The following ZSWIM2 variants were observed in gnomAD, a reference collection of about 807,000 sequenced individuals.
The protein encoded by ZSWIM2 is E3 ubiquitin-protein ligase ZSWIM2.
ZSWIM2 carries 38 observed loss-of-function variants against 48.4 expected under a neutral mutation model. The ratio of observed to expected loss-of-function variants is 0.79; its 90% CI spans 0.61 to 1.03. The LOEUF (loss-of-function observed/expected upper bound fraction) is 1.03, where lower values mean the gene tolerates loss of function less well. Ranked by LOEUF, ZSWIM2 falls within the 50% of genes least tolerant of loss-of-function variation. The probability of loss-of-function intolerance (pLI) is 0.00; values close to 1 mark genes in which losing one functional copy is unlikely to be tolerated. For missense variants in ZSWIM2, 776 were observed against 730.2 expected (o/e 1.06, Z -0.72); for synonymous variants, 240 against 251.3 (o/e 0.96, Z 0.42).
Position 186,828,755 on chromosome 2 carries a change from G to C in ZSWIM2, c.1131C>G (p.His377Gln). The C allele has an allele frequency of 6.3e-7, 1 of 1,593,538 alleles. No individual in the cohort carries two copies. Among genetic ancestry groups the C allele is most frequent in the Middle Eastern group, 1.7e-4 (1 of 5,936 alleles). ...HRKCIDNWLF[H>Q]KCNSCPIDGQ... ...CATCAATAGGGCATGAATTGCACTT[G>C]TGGAATAACCAGTTGTCAATACACT... Residue 377 changes from histidine (H) to glutamine (Q), a missense_variant, in exon 9 of 9, where the codon CAC becomes CAG. His to Gln is a conservative substitution (Grantham distance 24). Transcript: ENST00000295131.
intron 1 of ZSWIM2, chr2:186,848,725 T>A: frequency 4.4e-6 from 2 of 454,444 alleles, no homozygotes; most frequent in Non-Finnish European, 8.1e-6. Context: ...AGAGCCATCA[T>A]CTTTTACAAG....
At chr2:186,846,294 C>T (rs759222956) in intron 2 of ZSWIM2, among the ~76,000 whole-genome samples, 40 of 151,562 alleles carry the variant, frequency 2.6e-4, no homozygotes, top group Non-Finnish European at 4.1e-4. Flanking sequence ...AGGAAAAAAC[C>T]TAATAACCTC....
At chr2:186,839,306 A>G in intron 3 of ZSWIM2, 137 bp from the exon 4 acceptor site, 1 of 629,268 alleles carries the variant, frequency 1.6e-6, no homozygotes, top group Non-Finnish European at 2.6e-6. Context: ...ACTGACATTG[A>G]CCCCTTCTTT....
At chr2:186,842,077 C>T (rs550584778) in intron 3 of ZSWIM2, among the ~76,000 whole-genome samples, 4 of 151,146 alleles carry the variant, frequency 2.6e-5, no homozygotes, top group East Asian at 3.9e-4. Context: ...AAAAGAGAGT[C>T]TCAGGTTTCT....
intron 2 of ZSWIM2, among the ~76,000 whole-genome samples, chr2:186,847,472 T>C (rs1356553680): frequency 6.6e-6 from 1 of 152,142 alleles, no homozygotes; most frequent in Non-Finnish European, 1.5e-5. Flanking sequence ...CATGAGAATC[T>C]AAAATTGATT....
rs1691636320 is a variant in ZSWIM2, at chr2:186,828,352, T to C, written c.1534A>G (p.Thr512Ala). 3 of 1,613,626 alleles carry C rather than the reference T, an allele frequency of 1.9e-6. No individual in the cohort carries two copies. In the Admixed American group the frequency reaches 5.0e-5, roughly 27 times the overall value. Residue 512 changes from threonine to alanine, a missense_variant, in exon 9 of 9, where the codon ACA becomes GCA. Thr to Ala is a moderately conservative substitution (Grantham distance 58). Coordinates refer to ENST00000295131, the MANE Select transcript of ZSWIM2 (RefSeq NM_182521.3). ...TVSFGKIPSQ[T>A]LLPPIVHKNI... is the part of the protein sequence containing the mutation. The stretch of plus-strand genomic sequence containing the variant: ...TTATGAACAATAGGAGGAAGCAGTG[T>C]TTGAGATGGTATTTTCCCAAATGAC...
At position 186,829,794 on chromosome 2, in the gene ZSWIM2, T is replaced by G. The variant is rs768706697; in HGVS notation, c.1028A>C (p.Gln343Pro). The change falls in exon 8 of 9, where the codon CAG (glutamine) becomes CCG (proline). Residue 343 changes from glutamine (Q) to proline (P), a missense_variant. By Grantham distance (76) the Gln-to-Pro change is moderately conservative (BLOSUM62 -1). Transcript: ENST00000295131. ...AAATGCCTTCAAACAAAGTAGACAC[T>G]GGTAGCCTGGAGCAAGCAGCTTACT... ...KNSKLLAPGY[Q>P]CLLCLKAFHL... The G allele has an allele frequency of 1.9e-6, 3 of 1,613,706 alleles. No homozygotes were observed. In the African/African-American group the frequency reaches 4.0e-5, roughly 22 times the overall value.
intron 5 of ZSWIM2, among the ~76,000 whole-genome samples, chr2:186,836,742 T>C (rs1221826210): frequency 6.6e-6 from 1 of 152,074 alleles, no homozygotes; most frequent in Non-Finnish European, 1.5e-5. Context: ...TGTGGGAAAG[T>C]TTGGGGGTTA....
chr2:186,842,583 G>A (rs1293447273), intron 3 of ZSWIM2, among the ~76,000 whole-genome samples: 1 of 151,296 alleles, frequency 6.6e-6, no homozygotes, highest in African/African-American at 2.4e-5. Context: ...GCAGATAAAA[G>A]ACATTCATAT....
In ZSWIM2 at chr2:186,829,752, G is replaced by C. The variant is rs1411492801; in HGVS notation, c.1070C>G (p.Thr357Arg). ...CLKAFHLGQHTRLLPCTHKFH... is the reference protein window; with the variant it reads ...CLKAFHLGQHRRLLPCTHKFH... ...CTTGTGAGTACATGGTAGCAATCTT[G>C]TATGTTGACCAAGATGAAATGCCTT... Residue 357 changes from threonine (T) to arginine (R), a missense_variant, in exon 8 of 9, where the codon ACA becomes AGA. By Grantham distance (71) the Thr-to-Arg change is moderately conservative. Coordinates refer to ENST00000295131, the MANE Select transcript of ZSWIM2 (RefSeq NM_182521.3). 1 of 1,613,474 alleles carries C rather than the reference G, an allele frequency of 6.2e-7. No individual in the cohort carries two copies. Among genetic ancestry groups the C allele is most frequent in the Non-Finnish European group, 8.5e-7 (1 of 1,179,710 alleles).
intron 5 of ZSWIM2, among the ~76,000 whole-genome samples, chr2:186,835,144 T>C (rs186537813): frequency 1.4e-4 from 21 of 152,252 alleles, no homozygotes; most frequent in Middle Eastern, 3.4e-3. Context: ...GGCAGCATAC[T>C]TCTTGAAAAT....
chr2:186,829,618 C>A lies in ZSWIM2; in HGVS notation c.1095+109G>T, dbSNP rs1691662324. On this transcript the variant is annotated intron_variant, in intron 8 of 8. Coordinates refer to ENST00000295131, the MANE Select transcript of ZSWIM2 (RefSeq NM_182521.3). ...CTATATGTGCTGTGCAATGTGAACACCTCTGTACAGAGCACAACTCAAAAG... is the reference window on the plus strand; with the variant it reads ...CTATATGTGCTGTGCAATGTGAACAACTCTGTACAGAGCACAACTCAAAAG... 3.6e-6 allele frequency: 4 copies of A among 1,122,572 alleles called. No individual in the cohort carries two copies. In the Admixed American group the frequency reaches 7.1e-5, roughly 20 times the overall value. The allele number at this position is 1,122,572 out of a possible 1,614,324, so 69.5% of individuals were successfully genotyped here.
In ZSWIM2 at chr2:186,828,770, G is replaced by A. The variant is rs146312491; in HGVS notation, c.1116C>T (p.Asp372=). 3.8e-5 allele frequency: 60 copies of A among 1,566,074 alleles called. No individual in the cohort carries two copies. In the African/African-American group the frequency reaches 7.8e-4, roughly 20 times the overall value. The part of the protein sequence containing the change: ...CTHKFHRKCI[D]NWLFHKCNSC... ...AATTGCACTTGTGGAATAACCAGTT[G>A]TCAATACACTTCCTGTGAAACTTTA... Residue 372 remains aspartate (D), a synonymous_variant, in exon 9 of 9, where the codon GAC becomes GAT. Transcript: ENST00000295131.
At chr2:186,829,133 G>A (rs895190089) in intron 8 of ZSWIM2, among the ~76,000 whole-genome samples, 6 of 152,022 alleles carry the variant, frequency 3.9e-5, no homozygotes, top group African/African-American at 1.4e-4. Context: ...AAATGGATCT[G>A]ATAACAGTAA....
chr2:186,846,794 TATAC>T (rs1301214073), intron 2 of ZSWIM2, among the ~76,000 whole-genome samples: 8 of 76,464 alleles, frequency 1.0e-4, no homozygotes, highest in African/African-American at 2.9e-4. Context: ...AACATATATA[TATAC>T]ACACACACAC....
At chr2:186,846,806 C>CATATATATATATATATAT (rs1388154833) in intron 2 of ZSWIM2, among the ~76,000 whole-genome samples, 176 of 43,274 alleles carry the variant, frequency 4.1e-3, no homozygotes, top group African/African-American at 0.015. Context: ...TACACACACA[C>CATATATATATATATATAT]ACACATATAT....
At chr2:186,838,290 T>G (rs1691835124) in intron 4 of ZSWIM2, among the ~76,000 whole-genome samples, 1 of 150,796 alleles carries the variant, frequency 6.6e-6, no homozygotes, top group South Asian at 2.1e-4. Flanking sequence ...AAACAAGAAT[T>G]GGTTATGTAG....
chr2:186,828,452 T>C lies in ZSWIM2; in HGVS notation c.1434A>G (p.Ser478=). The change falls in exon 9 of 9, where the codon TCA becomes TCG. Residue 478 remains serine (S), a synonymous_variant. Transcript: ENST00000295131. ...AATCATAGGTTAATTTTTTTGAATTTGAATTATCTAATTTGATAGAGCATA... is the reference window on the plus strand; with the variant it reads ...AATCATAGGTTAATTTTTTTGAATTCGAATTATCTAATTTGATAGAGCATA... ...DNLCSIKLDN[S]NSKKLTYDYK... 1 of 1,613,268 alleles carries C rather than the reference T, an allele frequency of 6.2e-7. No individual in the cohort carries two copies. Among genetic ancestry groups the C allele is most frequent in the Non-Finnish European group, 8.5e-7 (1 of 1,179,606 alleles).
chr2:186,832,155 C>G (rs991788590), intron 7 of ZSWIM2, among the ~76,000 whole-genome samples: 2 of 151,194 alleles, frequency 1.3e-5, no homozygotes, highest in Admixed American at 1.3e-4. Context: ...CATTCTGTTG[C>G]CTCGGTTGGA....
Sources: gnomAD v4.1 joint callset for allele counts (sites outside exome capture counted in the v4.1 genomes callset) on GRCh38, gnomAD v4.1.1 for gene constraint, MANE v1.5 for transcripts, NCBI Gene and HGNC (gene_info 2026-07-23, HGNC 2026-07-21) for gene names.